The following ADAMTSL1 variants were observed in gnomAD, a reference collection of about 807,000 sequenced individuals.
ADAMTSL1 encodes the protein ADAMTS like 1.
A neutral mutation model predicts 201.8 loss-of-function variants in ADAMTSL1; 126 were observed. The observed-to-expected ratio is 0.62, with a 90% confidence interval of 0.54 to 0.72. The LOEUF (loss-of-function observed/expected upper bound fraction) is 0.72. ADAMTSL1 is among the 30% of genes least tolerant of loss of function. The pLI is 0.00. For synonymous variants in ADAMTSL1, 1,121 were observed against 903.4 expected (o/e 1.24, Z -4.32); for missense variants, 2,679 against 2,277.8 (o/e 1.18, Z -3.59).
chr9:18,117,266 G>T (rs1825292846), intron 1 of ADAMTSL1, among the ~76,000 whole-genome samples: 1 of 152,072 alleles, frequency 6.6e-6, no homozygotes, highest in Admixed American at 6.6e-5. Flanking sequence ...TCTGTTGTCT[G>T]CCCCTCTTTC....
intron 1 of ADAMTSL1, among the ~76,000 whole-genome samples, chr9:17,921,374 A>G (rs1385864054): frequency 6.6e-6 from 1 of 152,074 alleles, no homozygotes; most frequent in Non-Finnish European, 1.5e-5. Context: ...TAAGTCAGTT[A>G]CAATTCCTCC....
At chr9:18,190,926 T>A (rs1463758103) in intron 2 of ADAMTSL1, among the ~76,000 whole-genome samples, 2 of 152,194 alleles carry the variant, frequency 1.3e-5, no homozygotes, top group African/African-American at 2.4e-5. Flanking sequence ...CACATGAACC[T>A]ACTTGTTTTC....
intron 2 of ADAMTSL1, among the ~76,000 whole-genome samples, chr9:18,467,605 G>C (rs1179087199): frequency 2.6e-5 from 4 of 152,144 alleles, no homozygotes; most frequent in Non-Finnish European, 5.9e-5. Flanking sequence ...TTAGCAGAAG[G>C]CTTTGTGGAG....
In ADAMTSL1 at chr9:18,043,632, G is replaced by A. The variant is rs548028502; in HGVS notation, c.88-120230G>A. On this transcript the variant is annotated intron_variant, in intron 1 of 29. Transcript: ENST00000680146. The stretch of plus-strand genomic sequence containing the variant: ...CCCTGACTTCTAGAGGGAAGATATG[G>A]CCAGCAGCAAAGGGCAGAAGACTAC... 2.0e-5 allele frequency among the ~76,000 whole-genome samples: 3 copies of A among 152,078 alleles called. No homozygotes were observed. The East Asian group carries it at 5.8e-4, about 29-fold the overall frequency.
chr9:18,243,934 G>T (rs1452086557), intron 2 of ADAMTSL1, among the ~76,000 whole-genome samples: 1 of 151,696 alleles, frequency 6.6e-6, no homozygotes, highest in African/African-American at 2.4e-5. Context: ...GGTCATGAAT[G>T]CTTAGTGCAG....
intron 1 of ADAMTSL1, among the ~76,000 whole-genome samples, chr9:18,009,324 A>G (rs141971447): frequency 1.3e-5 from 2 of 152,090 alleles, no homozygotes; most frequent in African/African-American, 4.8e-5. Context: ...CTTGTCATCC[A>G]TTCTCTGGTC....
At chr9:18,521,303 AGT>A (rs1370185918) in intron 2 of ADAMTSL1, among the ~76,000 whole-genome samples, 2 of 152,076 alleles carry the variant, frequency 1.3e-5, no homozygotes, top group Admixed American at 1.3e-4. Context: ...GTACTAAAAG[AGT>A]GTAATTAACT....
intron 3 of ADAMTSL1, among the ~76,000 whole-genome samples, chr9:18,556,001 A>G (rs951226): frequency 0.27 from 40,857 of 151,308 alleles, 5,974 homozygotes; most frequent in East Asian, 0.6. Flanking sequence ...ATAATAAAAA[A>G]AATACATATA....
At chr9:18,127,781 C>T (rs1342597759) in intron 1 of ADAMTSL1, among the ~76,000 whole-genome samples, 3 of 152,078 alleles carry the variant, frequency 2.0e-5, no homozygotes, top group African/African-American at 7.2e-5. Flanking sequence ...AAATGGTCAC[C>T]AGGAAACTTG....
intron 1 of ADAMTSL1, among the ~76,000 whole-genome samples, chr9:17,946,925 T>G (rs540018929): frequency 1.3e-5 from 2 of 152,094 alleles, no homozygotes; most frequent in Non-Finnish European, 2.9e-5. Context: ...ATTCAGTGGA[T>G]TTGTGTACAA....
intron 7 of ADAMTSL1, among the ~76,000 whole-genome samples, chr9:18,642,042 T>C (rs1278941067): frequency 1.3e-5 from 2 of 151,990 alleles, no homozygotes; most frequent in African/African-American, 4.8e-5. Flanking sequence ...GCATCATCCT[T>C]GAGATGGGGT....
At chr9:18,057,695 T>G (rs1295203195) in intron 1 of ADAMTSL1, among the ~76,000 whole-genome samples, 2 of 152,236 alleles carry the variant, frequency 1.3e-5, no homozygotes, top group Non-Finnish European at 2.9e-5. Context: ...CCATGTTCTC[T>G]GGGCTCCAGC....
At chr9:18,815,397 G>C (rs1367141726) in intron 20 of ADAMTSL1, among the ~76,000 whole-genome samples, 1 of 150,620 alleles carries the variant, frequency 6.6e-6, no homozygotes, top group Non-Finnish European at 1.5e-5. Flanking sequence ...AAAAGAAAAA[G>C]AATGAGGACA....
chr9:18,764,231 T>G (rs1037596200), intron 16 of ADAMTSL1, among the ~76,000 whole-genome samples: 2 of 152,252 alleles, frequency 1.3e-5, no homozygotes, highest in Non-Finnish European at 2.9e-5. Flanking sequence ...ATTCCTAGTA[T>G]TTAAATTTTG....
chr9:18,520,008 T>C (rs1818594566), intron 2 of ADAMTSL1, among the ~76,000 whole-genome samples: 1 of 152,214 alleles, frequency 6.6e-6, no homozygotes. Flanking sequence ...CAGGGATATG[T>C]AAAATCATAC....
At chr9:18,236,339 G>T (rs997677391) in intron 2 of ADAMTSL1, among the ~76,000 whole-genome samples, 1 of 152,236 alleles carries the variant, frequency 6.6e-6, no homozygotes, top group Non-Finnish European at 1.5e-5. Context: ...CTCCCAAAGT[G>T]CTGGGATTAC....
At chr9:17,938,050 G>T (rs577709729) in intron 1 of ADAMTSL1, among the ~76,000 whole-genome samples, 1 of 152,048 alleles carries the variant, frequency 6.6e-6, no homozygotes. Context: ...TGAAATACAC[G>T]TGGGTTTAAA....
intron 2 of ADAMTSL1, among the ~76,000 whole-genome samples, chr9:18,463,904 T>C (rs1177553882): frequency 6.6e-6 from 1 of 152,200 alleles, no homozygotes; most frequent in African/African-American, 2.4e-5. Context: ...CATATGGCAA[T>C]TCTATGTTTA....
intron 2 of ADAMTSL1, among the ~76,000 whole-genome samples, chr9:18,341,385 C>T (rs909276082): frequency 1.3e-5 from 2 of 152,160 alleles, no homozygotes; most frequent in African/African-American, 4.8e-5. Context: ...ATCTTCCTAA[C>T]TTGCATTACT....
Sources: allele counts gnomAD v4.1 joint callset (sites outside exome capture counted in the v4.1 genomes callset), GRCh38; gene constraint gnomAD v4.1.1; transcripts MANE v1.5; gene names NCBI Gene and HGNC (gene_info 2026-07-23, HGNC 2026-07-21).